Variants in USP32 observed in about 807,000 individuals in gnomAD.
The protein encoded by USP32 is ubiquitin specific peptidase 32.
In USP32, 59 loss-of-function variants were observed where a neutral mutation model predicts 204.8. That is an observed-to-expected ratio of 0.29 (90% confidence interval 0.23 to 0.36). USP32 has a LOEUF of 0.36. USP32 is among the 10% of genes least tolerant of loss of function. The pLI, the probability that USP32 is intolerant of heterozygous loss-of-function variation, is 1.00. For missense variants in USP32, 1,160 were observed against 1,946.4 expected (o/e 0.60, Z 7.60); for synonymous variants, 517 against 678.4 (o/e 0.76, Z 3.70).
intron 9 of USP32, among the ~76,000 whole-genome samples, chr17:60,256,082 T>C (rs1406144634): frequency 1.3e-5 from 2 of 152,084 alleles, no homozygotes; most frequent in African/African-American, 2.4e-5. Context: ...CATGTGCCTG[T>C]AGTCCCAGCT....
chr17:60,271,196 T>C (rs1479424225), intron 6 of USP32, among the ~76,000 whole-genome samples, 154 bp downstream of exon 6: 1 of 152,208 alleles, frequency 6.6e-6, no homozygotes, highest in African/African-American at 2.4e-5. Flanking sequence ...CTCAAGACTA[T>C]AATAATAATT....
Position 60,181,607 on chromosome 17 carries a change from C to T in USP32, c.4265G>A (p.Ser1422Asn), listed in dbSNP as rs148425378. The T allele has an allele frequency of 1.4e-5, 23 of 1,613,912 alleles. No individual in the cohort carries two copies. Among genetic ancestry groups the T allele is most frequent in the Non-Finnish European group, 1.7e-5 (20 of 1,179,884 alleles). Residue 1422 changes from serine (S) to asparagine (N), a missense_variant, in exon 32 of 34, where the codon AGT becomes AAT. Ser to Asn is a conservative substitution (Grantham distance 46). This residue lies in a region of USP32 where 244 missense variants were observed against 342.3 expected (regional missense o/e 0.71). Transcript: ENST00000300896. ...PQIGSKNKLS[S>N]SKENLDASKE... ...GCTGGCATCCAAGTTCTCTTTACTA[C>T]TTGACAGTTTATTTTTGCTGCCAAT...
chr17:60,266,749 G>A (rs753681827), intron 7 of USP32, among the ~76,000 whole-genome samples: 38 of 151,232 alleles, frequency 2.5e-4, no homozygotes, highest in African/African-American at 8.8e-4. Context: ...TCTGCCTCCC[G>A]GGTTCAAGCA....
intron 1 of USP32, among the ~76,000 whole-genome samples, chr17:60,379,903 A>T (rs2089617431): frequency 6.6e-6 from 1 of 152,266 alleles, no homozygotes; most frequent in African/African-American, 2.4e-5. Flanking sequence ...ATTTGTGCTT[A>T]AAACAGTCCA....
chr17:60,358,673 A>C lies in USP32; in HGVS notation c.59-13065T>G, dbSNP rs1269244812. ...ACAGAAGGTCAAGTAAGTTTTTAAC[A>C]TCTAAAAATGAGATTAAAAAATGAA... On this transcript the variant is annotated intron_variant, in intron 1 of 33. Coordinates refer to ENST00000300896, the MANE Select transcript of USP32 (RefSeq NM_032582.4). Among the ~76,000 whole-genome samples, 3 of 152,234 alleles carry C rather than the reference A, an allele frequency of 2.0e-5. No individual in the cohort carries two copies. The East Asian group carries it at 5.8e-4, about 29-fold the overall frequency.
In USP32 at chr17:60,178,907, G is replaced by C. The variant is rs1178173302; in HGVS notation, c.*348C>G. On this transcript the variant is annotated 3_prime_UTR_variant, in exon 34 of 34. Transcript: ENST00000300896. Reference sequence around the variant, plus strand: ...GACTCCAAGGAAATCTTTAATATTTGTTATGATTATGGTAAACTCTATACT... The same window carrying C: ...GACTCCAAGGAAATCTTTAATATTTCTTATGATTATGGTAAACTCTATACT... Among the ~76,000 whole-genome samples the C allele has an allele frequency of 6.6e-6, 1 of 152,146 alleles. No individual in the cohort carries two copies. Among genetic ancestry groups the C allele is most frequent in the African/African-American group, 2.4e-5 (1 of 41,414 alleles).
At chr17:60,380,403 C>CA (rs1359106086) in intron 1 of USP32, among the ~76,000 whole-genome samples, 8 of 151,932 alleles carry the variant, frequency 5.3e-5, no homozygotes, top group Non-Finnish European at 4.4e-5. Context: ...CCCGTCTCTA[C>CA]AAAAAAACAC....
intron 1 of USP32, among the ~76,000 whole-genome samples, chr17:60,370,882 G>C (rs1017112327): frequency 2.6e-5 from 4 of 151,810 alleles, no homozygotes; most frequent in African/African-American, 9.7e-5. Flanking sequence ...TGTCTCTTGA[G>C]GCCAGGAGTT....
intron 1 of USP32, among the ~76,000 whole-genome samples, chr17:60,413,872 A>G (rs1263741565): frequency 8.9e-5 from 13 of 146,876 alleles, no homozygotes; most frequent in African/African-American, 3.1e-4. Context: ...AAAAAAAAAA[A>G]AAAGAAAAAA....
intron 2 of USP32, among the ~76,000 whole-genome samples, chr17:60,338,979 G>T (rs181109788): frequency 1.2e-3 from 181 of 152,064 alleles, no homozygotes; most frequent in African/African-American, 4.1e-3. Flanking sequence ...ACGTGATCTT[G>T]GCTGATTGCA....
At chr17:60,189,438 C>T (rs777955930) in intron 29 of USP32, among the ~76,000 whole-genome samples, 6 of 152,166 alleles carry the variant, frequency 3.9e-5, no homozygotes, top group Non-Finnish European at 7.3e-5. Flanking sequence ...TTCCAACTAT[C>T]AAGAGCCATA....
chr17:60,299,511 C>T (rs2087520717), intron 3 of USP32, among the ~76,000 whole-genome samples: 3 of 152,232 alleles, frequency 2.0e-5, no homozygotes, highest in Admixed American at 2.0e-4. Flanking sequence ...AAGAAGCTCA[C>T]TCCTGAGATA....
chr17:60,226,578 AT>A (rs1005333349), intron 12 of USP32, among the ~76,000 whole-genome samples: 10 of 152,058 alleles, frequency 6.6e-5, no homozygotes, highest in African/African-American at 2.4e-4. Context: ...AATGTATATA[AT>A]TTTTTTATTA....
chr17:60,238,915 C>G (rs2085806817), intron 11 of USP32, among the ~76,000 whole-genome samples: 1 of 152,062 alleles, frequency 6.6e-6, no homozygotes, highest in Admixed American at 6.6e-5. Flanking sequence ...TGTGATGGTG[C>G]CACTGCACTC....
rs532280467 is a variant in USP32 at position 60,324,820 on chromosome 17, C to T, written c.186+20661G>A. On this transcript the variant is annotated intron_variant, in intron 2 of 33. Coordinates refer to ENST00000300896, the MANE Select transcript of USP32 (RefSeq NM_032582.4). ...GAGTTCGAGACCAGCCTGACCAACA[C>T]GGAGAAAACCCCCTCTCTACTAAAA... is the stretch of plus-strand genomic sequence containing the variant. Among the ~76,000 whole-genome samples the T allele has an allele frequency of 2.4e-3, 357 of 151,774 alleles. 1 individual carries two copies. The highest frequency in any genetic ancestry group is 0.01 in the Middle Eastern group (3 of 294).
Position 60,209,496 on chromosome 17 carries a change from C to T in USP32, c.2472G>A (p.Gln824=), listed in dbSNP as rs2627861. The change falls in exon 22 of 34, where the codon CAG becomes CAA. Residue 824 remains glutamine (Q), a synonymous_variant. Coordinates refer to ENST00000300896, the MANE Select transcript of USP32 (RefSeq NM_032582.4). ...YAPRFNGFQQ[Q]DSQELLAFLL... Reference sequence around the variant, plus strand: ...GAAAAGCCAGAAGTTCTTGGGAGTCCTGTTGCTGAAACCCATTAAACCTGG... The same window carrying T: ...GAAAAGCCAGAAGTTCTTGGGAGTCTTGTTGCTGAAACCCATTAAACCTGG... The T allele has an allele frequency of 2.4e-4, 379 of 1,602,322 alleles. 1 individual carries two copies. The African/African-American group carries it at 4.5e-3, about 19-fold the overall frequency.
intron 5 of USP32, among the ~76,000 whole-genome samples, chr17:60,273,010 C>T: frequency 6.6e-6 from 1 of 152,126 alleles, no homozygotes; most frequent in Non-Finnish European, 1.5e-5. Context: ...ACTCTGTCGC[C>T]CAGGCTGGAG....
In USP32 at chr17:60,381,440, C is replaced by CAA. The variant is rs397784557; in HGVS notation, c.58+10440_58+10441dup. ...AGGGTGACAGAGGGAGACCCTGTCTCAAAAAAAAAAAAAAAAGGTTTTTAT... is the reference window on the plus strand; with the variant it reads ...AGGGTGACAGAGGGAGACCCTGTCTCAAAAAAAAAAAAAAAAAAGGTTTTTAT... On this transcript the variant is annotated intron_variant, in intron 1 of 33. Transcript: ENST00000300896. Among the ~76,000 whole-genome samples the CAA allele has an allele frequency of 2.7e-3, 266 of 99,256 alleles. 1 individual carries two copies. Among genetic ancestry groups the CAA allele is most frequent in the African/African-American group, 7.7e-3 (251 of 32,510 alleles). 65.1% of individuals were successfully genotyped at this position (99,256 alleles called of 152,430 possible).
intron 1 of USP32, among the ~76,000 whole-genome samples, chr17:60,417,573 C>A (rs897624887): frequency 6.6e-6 from 1 of 151,394 alleles, no homozygotes; most frequent in East Asian, 2.0e-4. Flanking sequence ...CCTGCCTCAG[C>A]CTCCTGAGTA....
Sources: gnomAD v4.1 joint callset for allele counts (sites outside exome capture counted in the v4.1 genomes callset) on GRCh38, gnomAD v4.1.1 for gene constraint, gnomAD v4.1.1 regional missense constraint, MANE v1.5 for transcripts, NCBI Gene and HGNC (gene_info 2026-07-23, HGNC 2026-07-21) for gene names.